The following WWOX variants were observed in gnomAD, a reference collection of about 807,000 sequenced individuals.
The protein encoded by WWOX is WW domain containing oxidoreductase.
A neutral mutation model predicts 46.2 loss-of-function variants in WWOX; 69 were observed. That is an observed-to-expected ratio of 1.49 (90% CI 1.23 to 1.82). The LOEUF (loss-of-function observed/expected upper bound fraction) is 1.82. Ranked by LOEUF, WWOX falls within the 40% of genes most tolerant of loss-of-function variation. The pLI, the probability that WWOX is intolerant of heterozygous loss-of-function variation, is 0.00. For missense variants in WWOX, 919 were observed against 542.6 expected, an observed-to-expected ratio of 1.69 and a Z score of -6.89; for synonymous variants, 359 against 202.6, an observed-to-expected ratio of 1.77 and a Z score of -6.56.
chr16:78,363,486 C>G (rs563462708), intron 5 of WWOX, among the ~76,000 whole-genome samples: 16 of 151,970 alleles, frequency 1.1e-4, no homozygotes, highest in Non-Finnish European at 1.6e-4. Context: ...GCTGTGTTTC[C>G]CAGGCTGTCC....
chr16:78,938,301 A>C (rs912849362), intron 8 of WWOX, among the ~76,000 whole-genome samples: 2 of 152,112 alleles, frequency 1.3e-5, no homozygotes, highest in African/African-American at 4.8e-5. Flanking sequence ...ACCTTTTCCA[A>C]CTAGGGTGTG....
chr16:78,513,901 C>CTA (rs56784508), intron 8 of WWOX, among the ~76,000 whole-genome samples: 1 of 134,460 alleles, frequency 7.4e-6, no homozygotes, highest in African/African-American at 3.6e-5. Context: ...CACTCCCCCC[C>CTA]CCCCCACTTG....
chr16:78,739,667 T>G (rs930955953), intron 8 of WWOX, among the ~76,000 whole-genome samples: 17 of 152,006 alleles, frequency 1.1e-4, no homozygotes, highest in African/African-American at 3.9e-4. Flanking sequence ...AAAAATTAGC[T>G]TGGCTTCCTG....
intron 8 of WWOX, among the ~76,000 whole-genome samples, chr16:78,796,732 A>G (rs531126834): frequency 6.6e-5 from 10 of 152,220 alleles, no homozygotes; most frequent in African/African-American, 2.4e-4. Context: ...AGCCAGAAGC[A>G]TTCTTCAGTT....
chr16:78,231,688 C>T (rs2037268610), intron 5 of WWOX, among the ~76,000 whole-genome samples: 1 of 152,158 alleles, frequency 6.6e-6, no homozygotes, highest in African/African-American at 2.4e-5. Context: ...TAATTATTAT[C>T]AATTGCCTCT....
intron 4 of WWOX, among the ~76,000 whole-genome samples, chr16:78,154,514 A>G (rs1218663235): frequency 4.7e-5 from 3 of 63,468 alleles, no homozygotes; most frequent in Non-Finnish European, 8.9e-5. Context: ...TTTTTTTGCC[A>G]AGCACCCTGC....
At chr16:78,473,870 G>A (rs933451658) in intron 8 of WWOX, among the ~76,000 whole-genome samples, 11 of 152,146 alleles carry the variant, frequency 7.2e-5, no homozygotes, top group African/African-American at 2.4e-4. Flanking sequence ...CAGCACACAC[G>A]CTGCCATTCT....
chr16:78,158,053 C>T, intron 4 of WWOX, among the ~76,000 whole-genome samples: 1 of 152,318 alleles, frequency 6.6e-6, no homozygotes. Context: ...CTTGTACGTG[C>T]TTAGAACTGG....
chr16:78,483,792 A>G (rs1034772237), intron 8 of WWOX, among the ~76,000 whole-genome samples: 1 of 152,060 alleles, frequency 6.6e-6, no homozygotes, highest in Non-Finnish European at 1.5e-5. Context: ...CTTCTTGTTT[A>G]TTTATTTAAC....
Position 78,325,717 on chromosome 16 carries a change from C to G in WWOX, c.517-61143C>G, listed in dbSNP as rs1423605378. Among the ~76,000 whole-genome samples, 3 of 152,218 alleles carry G rather than the reference C, an allele frequency of 2.0e-5. No homozygotes were observed. The East Asian group carries it at 5.8e-4, about 29-fold the overall frequency. Reference sequence around the variant, plus strand: ...GGGGCTTTTGTCACCCTGTGTTTTTCATGGGACTGTAACCTGAGTGACTGC... The same window carrying G: ...GGGGCTTTTGTCACCCTGTGTTTTTGATGGGACTGTAACCTGAGTGACTGC... On this transcript the variant is annotated intron_variant, in intron 5 of 8. Transcript: ENST00000566780.
At chr16:78,215,465 C>T (rs1000080865) in intron 5 of WWOX, among the ~76,000 whole-genome samples, 3 of 152,224 alleles carry the variant, frequency 2.0e-5, no homozygotes, top group Non-Finnish European at 4.4e-5. Flanking sequence ...CCCTGGCCTT[C>T]ATTCTCTTTC....
At chr16:78,549,104 G>A (rs943904766) in intron 8 of WWOX, among the ~76,000 whole-genome samples, 4 of 152,170 alleles carry the variant, frequency 2.6e-5, no homozygotes, top group African/African-American at 9.6e-5. Context: ...CAGCTCTCTA[G>A]AGTGTCACTG....
intron 4 of WWOX, among the ~76,000 whole-genome samples, chr16:78,151,916 C>T (rs969301112): frequency 1.3e-5 from 2 of 152,098 alleles, no homozygotes. Flanking sequence ...GGAGGCCAGG[C>T]GCGGTGGCTC....
intron 8 of WWOX, among the ~76,000 whole-genome samples, chr16:78,864,514 C>A (rs1347540486): frequency 6.6e-6 from 1 of 152,128 alleles, no homozygotes; most frequent in African/African-American, 2.4e-5. Context: ...GGAGATCCGC[C>A]TGCCTTGGCC....
intron 8 of WWOX, among the ~76,000 whole-genome samples, chr16:79,098,824 T>A (rs1428280790): frequency 6.6e-6 from 1 of 152,248 alleles, no homozygotes; most frequent in African/African-American, 2.4e-5. Flanking sequence ...TTTTTTTCCT[T>A]GCAATATGTT....
At chr16:79,030,456 G>A (rs987925796) in intron 8 of WWOX, among the ~76,000 whole-genome samples, 1 of 152,048 alleles carries the variant, frequency 6.6e-6, no homozygotes, top group Non-Finnish European at 1.5e-5. Context: ...TGATCTGCAC[G>A]GGCAATCCCA....
At chr16:78,176,571 G>A (rs1205325215) in intron 5 of WWOX, among the ~76,000 whole-genome samples, 2 of 152,166 alleles carry the variant, frequency 1.3e-5, no homozygotes, top group Admixed American at 6.5e-5. Flanking sequence ...TAATGGCTTT[G>A]TTGTTGTTTA....
chr16:79,155,012 C>A (rs1366490790), intron 8 of WWOX, among the ~76,000 whole-genome samples: 5 of 152,216 alleles, frequency 3.3e-5, no homozygotes, highest in African/African-American at 4.8e-5. Flanking sequence ...AAGATAGCTT[C>A]ATCTGTGCCT....
intron 8 of WWOX, among the ~76,000 whole-genome samples, chr16:78,818,236 T>G (rs993051974): frequency 6.6e-6 from 1 of 152,232 alleles, no homozygotes; most frequent in Non-Finnish European, 1.5e-5. Flanking sequence ...CAGGTTACCC[T>G]GGAAGGGAGA....
Sources: gnomAD v4.1 joint callset for allele counts (sites outside exome capture counted in the v4.1 genomes callset) on GRCh38, gnomAD v4.1.1 for gene constraint, MANE v1.5 for transcripts, NCBI Gene and HGNC (gene_info 2026-07-23, HGNC 2026-07-21) for gene names.